The following SNX29 variants were observed in gnomAD, a reference collection of about 807,000 sequenced individuals.
SNX29 encodes sorting nexin 29, also known as sorting nexin-29.
Under a neutral mutation model 102.1 loss-of-function variants are expected in SNX29, and 78 were observed. The ratio of observed to expected loss-of-function variants is 0.76; its 90% CI spans 0.64 to 0.92. The LOEUF (loss-of-function observed/expected upper bound fraction) is 0.92. Ranked by LOEUF, SNX29 falls within the 40% of genes least tolerant of loss-of-function variation. The pLI is 0.00. For synonymous variants in SNX29, 580 were observed against 414.5 expected (o/e 1.40, Z -4.85); for missense variants, 1,280 against 1,061.7 (o/e 1.21, Z -2.86).
intron 20 of SNX29, among the ~76,000 whole-genome samples, chr16:12,565,889 C>A (rs773807618): frequency 6.6e-6 from 1 of 151,798 alleles, no homozygotes; most frequent in Non-Finnish European, 1.5e-5. Context: ...CCTGAGTTCC[C>A]TCTCATTGGG....
At chr16:12,237,928 A>C (rs2077986474) in intron 14 of SNX29, among the ~76,000 whole-genome samples, 1 of 152,032 alleles carries the variant, frequency 6.6e-6, no homozygotes, top group Non-Finnish European at 1.5e-5. Context: ...TAAATAAATA[A>C]AAGATGGGGC....
At chr16:12,016,014 G>A (rs1023032658) in intron 3 of SNX29, among the ~76,000 whole-genome samples, 5 of 151,776 alleles carry the variant, frequency 3.3e-5, no homozygotes, top group South Asian at 2.1e-4. Context: ...ACAGGCGCCC[G>A]CCACCACGCC....
chr16:11,988,612 C>T (rs910396024), intron 1 of SNX29, among the ~76,000 whole-genome samples: 9 of 152,192 alleles, frequency 5.9e-5, no homozygotes, highest in Admixed American at 5.9e-4. Flanking sequence ...ATTGCCCAGG[C>T]TGGTCTCAAA....
intron 8 of SNX29, among the ~76,000 whole-genome samples, chr16:12,055,891 T>A (rs186741163): frequency 6.6e-6 from 1 of 151,994 alleles, no homozygotes; most frequent in Non-Finnish European, 1.5e-5. Flanking sequence ...GCCTTTATTC[T>A]TTTTTTTCTG....
intron 20 of SNX29, among the ~76,000 whole-genome samples, chr16:12,542,482 C>T (rs182958629): frequency 6.6e-6 from 1 of 152,360 alleles, no homozygotes; most frequent in Non-Finnish European, 1.5e-5. Flanking sequence ...CAGGGACCCA[C>T]TACCACACCT....
chr16:12,263,132 C>CTT lies in SNX29; in HGVS notation c.1679-14785_1679-14784dup, dbSNP rs541154463. Among the ~76,000 whole-genome samples, 757 of 138,328 alleles carry CTT rather than the reference C, an allele frequency of 5.5e-3. 2 individuals are homozygous for CTT. The highest frequency in any genetic ancestry group is 9.0e-3 in the Non-Finnish European group (571 of 63,560). 90.7% of individuals were successfully genotyped at this position (138,328 alleles called of 152,430 possible). ...CCTCTCTTCTTGGACTGTTGTCCAC[C>CTT]TTTTTTTTTTTTTTTTTGAGACAGG... On this transcript the variant is annotated intron_variant, in intron 14 of 20. Transcript: ENST00000566228.
chr16:12,003,065 C>T (rs1352859537), intron 3 of SNX29, 22 bp downstream of exon 3: 1 of 1,613,882 alleles, frequency 6.2e-7, no homozygotes, highest in East Asian at 2.2e-5. Context: ...ACTTCTAAAA[C>T]CGTTGACCAT....
intron 1 of SNX29, among the ~76,000 whole-genome samples, chr16:11,979,306 C>T (rs1052810311): frequency 2.3e-5 from 3 of 128,438 alleles, no homozygotes; most frequent in Non-Finnish European, 4.8e-5. Context: ...AAAATCGTTA[C>T]ATCTAAAGCC....
intron 11 of SNX29, among the ~76,000 whole-genome samples, chr16:12,082,113 G>T (rs1037937191): frequency 6.6e-5 from 10 of 152,146 alleles, no homozygotes; most frequent in African/African-American, 1.9e-4. Flanking sequence ...TTCTGTCTCT[G>T]TGTGGGTGGC....
chr16:12,435,220 A>G (rs894916472), intron 18 of SNX29, among the ~76,000 whole-genome samples: 6 of 152,104 alleles, frequency 3.9e-5, no homozygotes, highest in African/African-American at 1.4e-4. Flanking sequence ...CTCCCATCCC[A>G]AGAAATCAGC....
At chr16:12,478,208 A>G (rs2087746492) in intron 19 of SNX29, among the ~76,000 whole-genome samples, 1 of 152,262 alleles carries the variant, frequency 6.6e-6, no homozygotes, top group African/African-American at 2.4e-5. Flanking sequence ...TAGACAGTAC[A>G]GACACAAATG....
chr16:12,567,862 A>G (rs973349371), intron 20 of SNX29, among the ~76,000 whole-genome samples: 5 of 152,112 alleles, frequency 3.3e-5, no homozygotes, highest in Non-Finnish European at 7.4e-5. Flanking sequence ...CCTATCCCCT[A>G]AAAAATGTGC....
At chr16:12,012,730 C>T (rs2056695238) in intron 3 of SNX29, among the ~76,000 whole-genome samples, 1 of 151,964 alleles carries the variant, frequency 6.6e-6, no homozygotes, top group African/African-American at 2.4e-5. Context: ...TAAACTTAGG[C>T]CATTGTGTAC....
intron 20 of SNX29, among the ~76,000 whole-genome samples, chr16:12,540,883 C>T (rs1020622551): frequency 6.6e-6 from 1 of 152,236 alleles, no homozygotes; most frequent in Non-Finnish European, 1.5e-5. Context: ...CACTTCTGGA[C>T]CCAGAGCTGG....
intron 20 of SNX29, among the ~76,000 whole-genome samples, chr16:12,537,012 A>G (rs1246330375): frequency 6.6e-6 from 1 of 152,178 alleles, no homozygotes; most frequent in East Asian, 1.9e-4. Flanking sequence ...TGTTCAGGGC[A>G]TGGGGGCCGG....
At position 12,186,139 on chromosome 16, in the gene SNX29, C is replaced by T. The variant is rs1411107818; in HGVS notation, c.1596-13462C>T. On this transcript the variant is annotated intron_variant, in intron 13 of 20. Coordinates refer to ENST00000566228, the MANE Select transcript of SNX29 (RefSeq NM_032167.5). ...ACCAGTTATGAGCTATTCAGTTAAC[C>T]CTTTTAACCCTTACCACGTGGGCCA... 2.0e-5 allele frequency among the ~76,000 whole-genome samples: 3 copies of T among 152,072 alleles called. No individual in the cohort carries two copies. The East Asian group carries it at 5.8e-4, about 29-fold the overall frequency.
chr16:12,543,684 A>G (rs1351324898), intron 20 of SNX29, among the ~76,000 whole-genome samples: 1 of 152,244 alleles, frequency 6.6e-6, no homozygotes, highest in Non-Finnish European at 1.5e-5. Context: ...TCAACAAGCC[A>G]GTCGTATCAG....
chr16:12,302,200 C>T (rs1038163737), intron 15 of SNX29, among the ~76,000 whole-genome samples: 2 of 152,172 alleles, frequency 1.3e-5, no homozygotes, highest in South Asian at 4.1e-4. Flanking sequence ...TCACCTCCGT[C>T]AAAGCGGCAT....
At chr16:12,026,784 C>G (rs576374495) in intron 3 of SNX29, among the ~76,000 whole-genome samples, 36 of 152,174 alleles carry the variant, frequency 2.4e-4, no homozygotes, top group African/African-American at 8.4e-4. Context: ...CATGTAATCT[C>G]TTATATAAAG....
Sources: gnomAD v4.1 joint callset for allele counts (sites outside exome capture counted in the v4.1 genomes callset) on GRCh38, gnomAD v4.1.1 for gene constraint, MANE v1.5 for transcripts, NCBI Gene and HGNC (gene_info 2026-07-23, HGNC 2026-07-21) for gene names.